FSAF1: variants seen among roughly 807,000 people sequenced by gnomAD.
FSAF1 encodes the protein 40S small subunit processome assembly factor 1.
At chr1:231,238,564 G>A in the FSAF1 span, 2 of 265,950 alleles carry the variant, frequency 7.5e-6, no homozygotes. Flanking sequence ...GCATACCTGA[G>A]GTCTTGAGCC....
the FSAF1 span, chr1:231,226,567 A>T: frequency 1.5e-6 from 1 of 653,478 alleles, no homozygotes; most frequent in South Asian, 1.9e-5. Flanking sequence ...AGTACGCCAG[A>T]TTACTTGGCT....
the FSAF1 span, chr1:231,225,061 G>C: frequency 1.6e-5 from 3 of 186,856 alleles, no homozygotes; most frequent in Admixed American, 1.6e-4. Flanking sequence ...AAAGGCATTT[G>C]AACAAAAGCT....
the FSAF1 span, chr1:231,224,306 T>C: frequency 1.2e-6 from 2 of 1,612,072 alleles, no homozygotes; most frequent in East Asian, 4.5e-5. Context: ...AAGAATTTAT[T>C]TTCTTGATAT....
the FSAF1 span, chr1:231,224,142 T>C: frequency 9.7e-7 from 1 of 1,028,690 alleles, no homozygotes; most frequent in Non-Finnish European, 1.4e-6. Flanking sequence ...ATGTTACTTC[T>C]GTTTGACTTT....
the FSAF1 span, among the ~76,000 whole-genome samples, chr1:231,228,815 C>T: frequency 6.6e-6 from 1 of 151,992 alleles, no homozygotes; most frequent in Non-Finnish European, 1.5e-5. Flanking sequence ...GGGGAAACCC[C>T]ATCTCTACTA....
At chr1:231,224,753 G>T in the FSAF1 span, 1 of 274,536 alleles carries the variant, frequency 3.6e-6, no homozygotes, top group South Asian at 8.3e-5. Flanking sequence ...CTCTCTTTCA[G>T]CCTCTCTACA....
the FSAF1 span, chr1:231,240,974 A>C: frequency 6.5e-7 from 1 of 1,529,210 alleles, no homozygotes; most frequent in Non-Finnish European, 9.1e-7. The surrounding 1 kb of genome is among the most constrained non-coding windows in gnomAD (Gnocchi z 4.1). Context: ...CAGGAGACCC[A>C]CGTTCCTCAA....
the FSAF1 span, among the ~76,000 whole-genome samples, chr1:231,235,204 T>A: frequency 6.6e-6 from 1 of 152,064 alleles, no homozygotes; most frequent in East Asian, 1.9e-4. Context: ...GTCACTACAT[T>A]AAAAATGGGA....
the FSAF1 span, chr1:231,236,777 A>G: frequency 1.3e-5 from 2 of 152,192 alleles, no homozygotes; most frequent in Non-Finnish European, 2.9e-5. Flanking sequence ...AACATTTTTC[A>G]TATCATGACA....
the FSAF1 span, among the ~76,000 whole-genome samples, chr1:231,235,815 A>T: frequency 6.6e-6 from 1 of 152,176 alleles, no homozygotes; most frequent in Non-Finnish European, 1.5e-5. Flanking sequence ...AACATAAAAA[A>T]ATATATATAA....
the FSAF1 span, chr1:231,238,517 G>A: frequency 5.4e-6 from 1 of 186,488 alleles, no homozygotes; most frequent in East Asian, 1.4e-4. Context: ...CCTGAGAATT[G>A]AGCAATTAGA....
the FSAF1 span, among the ~76,000 whole-genome samples, chr1:231,235,958 G>A: frequency 6.6e-6 from 1 of 152,186 alleles, no homozygotes; most frequent in African/African-American, 2.4e-5. Flanking sequence ...CAGCTGGATT[G>A]TTGTCCAACT....
chr1:231,230,166 T>A, the FSAF1 span, among the ~76,000 whole-genome samples: 1 of 151,900 alleles, frequency 6.6e-6, no homozygotes, highest in Admixed American at 6.6e-5. Context: ...GTCTCAAAGC[T>A]TATAAAAGTA....
At chr1:231,225,673 T>C in the FSAF1 span, 34 of 737,182 alleles carry the variant, frequency 4.6e-5, no homozygotes, top group African/African-American at 4.0e-4. Context: ...CTCAAAGTTT[T>C]ACCCTAAAAC....
the FSAF1 span, chr1:231,241,155 AC>A: frequency 3.1e-6 from 5 of 1,601,986 alleles, no homozygotes; most frequent in Non-Finnish European, 4.3e-6. Context: ...GCCGCGCTGC[AC>A]CCCCGCTTCC....
chr1:231,225,768 C>T, the FSAF1 span: 46 of 496,420 alleles, frequency 9.3e-5, no homozygotes, highest in Middle Eastern at 1.1e-3. Flanking sequence ...GGGGGAGGAT[C>T]ACTTGATCCC....
At chr1:231,231,648 C>G in the FSAF1 span, among the ~76,000 whole-genome samples, 1 of 151,992 alleles carries the variant, frequency 6.6e-6, no homozygotes, top group Non-Finnish European at 1.5e-5. Context: ...GAGAATGGAG[C>G]AATTTAAAGA....
the FSAF1 span, chr1:231,224,267 T>C: frequency 6.2e-7 from 1 of 1,605,348 alleles, no homozygotes; most frequent in Non-Finnish European, 8.5e-7. Flanking sequence ...TCGTTTTATT[T>C]GACAAAGTAC....
At chr1:231,241,118 G>A in the FSAF1 span, 2 of 1,613,286 alleles carry the variant, frequency 1.2e-6, no homozygotes, top group Non-Finnish European at 1.7e-6. Flanking sequence ...ACATTGTGGG[G>A]TCAGCCGAGG....
Sources: allele counts gnomAD v4.1 joint callset (sites outside exome capture counted in the v4.1 genomes callset), GRCh38; gene constraint gnomAD v4.1.1; non-coding constraint Gnocchi (gnomAD v3.1); transcripts MANE v1.5; gene names NCBI Gene and HGNC (gene_info 2026-07-23, HGNC 2026-07-21).